RAB35: variants seen among roughly 807,000 people sequenced by gnomAD.
The protein encoded by RAB35 is RAB35, member RAS oncogene family, also known as ras-related protein Rab-35.
In RAB35, 4 loss-of-function variants were observed where a neutral mutation model predicts 28.9. That is an observed-to-expected ratio of 0.14 (90% CI 0.07 to 0.32). RAB35 has a LOEUF of 0.32. Ranked by LOEUF, RAB35 falls within the 10% of genes least tolerant of loss-of-function variation. RAB35 has a pLI of 1.00. For missense variants in RAB35, 128 were observed against 274.0 expected, an observed-to-expected ratio of 0.47 and a Z score of 3.76; for synonymous variants, 99 against 105.1, an observed-to-expected ratio of 0.94 and a Z score of 0.35.
intron 1 of RAB35, among the ~76,000 whole-genome samples, chr12:120,116,390 C>T (rs921188540): frequency 6.6e-6 from 1 of 152,022 alleles, no homozygotes; most frequent in African/African-American, 2.4e-5. Context: ...ATGACTGGAC[C>T]CGGCGCGCTT....
At chr12:120,108,518 G>A (rs369979133) in intron 1 of RAB35, 51 bp from the exon 2 acceptor site, 29 of 1,538,158 alleles carry the variant, frequency 1.9e-5, no homozygotes, top group Middle Eastern at 1.7e-4. Context: ...TCCCCTCCCC[G>A]CAGCCCCAGC....
intron 1 of RAB35, among the ~76,000 whole-genome samples, chr12:120,110,289 C>CCTTTTTTTTTTTTTTTTTTTTTTT (rs1430969524): frequency 8.0e-5 from 2 of 24,968 alleles, no homozygotes; most frequent in African/African-American, 3.8e-4. Flanking sequence ...AAGCCCACAG[C>CCTTTTTTTTTTTTTTTTTTTTTTT]ATTTTTTTTT....
intron 2 of RAB35, among the ~76,000 whole-genome samples, chr12:120,108,210 G>A (rs377551508): frequency 4.6e-5 from 7 of 152,228 alleles, no homozygotes; most frequent in African/African-American, 9.6e-5. Flanking sequence ...AAGGGTTTTC[G>A]TGAGCAGGTG....
At chr12:120,102,200 A>C (rs59676660) in intron 3 of RAB35, among the ~76,000 whole-genome samples, 2,662 of 152,274 alleles carry the variant, frequency 0.017, 76 homozygotes, top group African/African-American at 0.06. Flanking sequence ...CTGTCCATAA[A>C]ATGGAGATAG....
At chr12:120,110,492 C>G (rs555636074) in intron 1 of RAB35, among the ~76,000 whole-genome samples, 1 of 151,950 alleles carries the variant, frequency 6.6e-6, no homozygotes, top group Non-Finnish European at 1.5e-5. Flanking sequence ...TGGCCTCAAG[C>G]AATCTGCCCG....
In RAB35 at chr12:120,096,500, G is replaced by C. The variant is rs755336502; in HGVS notation, c.*745C>G. 10 of 1,289,698 alleles carry C rather than the reference G, an allele frequency of 7.8e-6. No individual in the cohort carries two copies. The South Asian group carries it at 1.2e-4, about 16-fold the overall frequency. 79.9% of individuals were successfully genotyped at this position (1,289,698 alleles called of 1,614,324 possible). On this transcript the variant is annotated 3_prime_UTR_variant, in exon 6 of 6. Transcript: ENST00000229340. Reference sequence around the variant, plus strand: ...CTTTCTGTTGGAACTGAAACCTGTTGGTGTAAATGAGAAGCCATGGCTGCC... The same window carrying C: ...CTTTCTGTTGGAACTGAAACCTGTTCGTGTAAATGAGAAGCCATGGCTGCC...
At chr12:120,105,916 C>CAAAAAAA in intron 2 of RAB35, among the ~76,000 whole-genome samples, 1 of 49,800 alleles carries the variant, frequency 2.0e-5, no homozygotes, top group Non-Finnish European at 4.6e-5. Context: ...GACTCCGTCT[C>CAAAAAAA]AAAAAAAAAA....
Position 120,096,803 on chromosome 12 carries a change from G to A in RAB35, c.*442C>T, listed in dbSNP as rs754178350. ...CCACTGGCACGGGCTGGCCGCAGAC[G>A]CAGCTAGAACGTGCCGCTGTCTCCT... On this transcript the variant is annotated 3_prime_UTR_variant, in exon 6 of 6. Coordinates refer to ENST00000229340, the MANE Select transcript of RAB35 (RefSeq NM_006861.7). 34 of 1,291,456 alleles carry A rather than the reference G, an allele frequency of 2.6e-5. No homozygotes were observed. Among genetic ancestry groups the A allele is most frequent in the South Asian group, 3.7e-5 (3 of 81,056 alleles). The allele number at this position is 1,291,456 out of a possible 1,614,324, so 80.0% of individuals were successfully genotyped here.
chr12:120,107,015 G>A (rs576133625), intron 2 of RAB35, among the ~76,000 whole-genome samples: 71 of 151,970 alleles, frequency 4.7e-4, no homozygotes, highest in African/African-American at 1.7e-3. Context: ...TTGAGATGGA[G>A]TCTCGCTCTG....
intron 1 of RAB35, among the ~76,000 whole-genome samples, chr12:120,113,557 G>A (rs960057738): frequency 4.9e-4 from 75 of 152,218 alleles, no homozygotes; most frequent in African/African-American, 1.5e-3. Context: ...GGTGGCTCAC[G>A]CCTGTAATCC....
In RAB35 at chr12:120,112,881, C is replaced by T. The variant is rs181383474; in HGVS notation, c.52+3718G>A. The stretch of plus-strand genomic sequence containing the variant: ...CTGGGACTATAGATGTGCACCACCA[C>T]GCCCAACTGATTTTTTTTTTTTTTT... On this transcript the variant is annotated intron_variant, in intron 1 of 5. Coordinates refer to ENST00000229340, the MANE Select transcript of RAB35 (RefSeq NM_006861.7). Among the ~76,000 whole-genome samples, 926 of 149,996 alleles carry T rather than the reference C, an allele frequency of 6.2e-3. 3 individuals are homozygous for T. The highest frequency in any genetic ancestry group is 0.017 in the African/African-American group (683 of 39,898).
At chr12:120,105,833 C>T (rs191043608) in intron 2 of RAB35, among the ~76,000 whole-genome samples, 112 of 147,566 alleles carry the variant, frequency 7.6e-4, no homozygotes, top group African/African-American at 2.8e-3. Flanking sequence ...AGGAGAATGG[C>T]GTGAACCCGG....
chr12:120,098,045 G>A (rs915124660), intron 5 of RAB35, among the ~76,000 whole-genome samples: 4 of 151,920 alleles, frequency 2.6e-5, no homozygotes, highest in African/African-American at 4.8e-5. Context: ...CACCACGCCC[G>A]GCTAATTTTT....
chr12:120,109,179 C>T (rs1456825812), intron 1 of RAB35, among the ~76,000 whole-genome samples: 4 of 152,168 alleles, frequency 2.6e-5, no homozygotes, highest in African/African-American at 7.2e-5. Context: ...TCAGGCCAGG[C>T]GCGGTGGCTC....
chr12:120,095,302 GCA>G lies in RAB35; in HGVS notation c.*1941_*1942del, dbSNP rs1875326602. The G allele has an allele frequency of 6.7e-6, 1 of 149,100 alleles. No individual in the cohort carries two copies. The highest frequency in any genetic ancestry group is 1.5e-5 in the Non-Finnish European group (1 of 67,122). The allele number at this position is 149,100 out of a possible 1,614,324, so 9.2% of individuals were successfully genotyped here. A position where few individuals can be genotyped will look rare whatever the true frequency, so the allele number is the denominator to read the frequency against. ...ATTCATGCGTGTAACAGTGGGACAG[GCA>G]CACTGTCATGACCAAAATCACCCCA... On this transcript the variant is annotated 3_prime_UTR_variant, in exon 6 of 6. Coordinates refer to ENST00000229340, the MANE Select transcript of RAB35 (RefSeq NM_006861.7).
intron 2 of RAB35, among the ~76,000 whole-genome samples, chr12:120,105,101 T>C (rs1014709490): frequency 1.3e-5 from 2 of 151,958 alleles, no homozygotes; most frequent in South Asian, 2.1e-4. Flanking sequence ...GGCAAGGGCG[T>C]AGGAAAGGTC....
rs117962276 is a variant in RAB35, at chr12:120,113,417, G to A, written c.52+3182C>T. ...GAGCCTCAATTTACTCATCTGTCAAGTGAAGGGCTAACTCCATCTCCAAAT... is the reference window on the plus strand; with the variant it reads ...GAGCCTCAATTTACTCATCTGTCAAATGAAGGGCTAACTCCATCTCCAAAT... On this transcript the variant is annotated intron_variant, in intron 1 of 5. Coordinates refer to ENST00000229340, the MANE Select transcript of RAB35 (RefSeq NM_006861.7). 3.8e-3 allele frequency among the ~76,000 whole-genome samples: 579 copies of A among 152,226 alleles called. 2 individuals carry two copies. Among genetic ancestry groups the A allele is most frequent in the Non-Finnish European group, 6.3e-3 (431 of 68,002 alleles).
chr12:120,107,866 CAAAAAAAAAAAAAAA>C (rs57274207), intron 2 of RAB35, among the ~76,000 whole-genome samples: 1 of 31,976 alleles, frequency 3.1e-5, no homozygotes, highest in Non-Finnish European at 7.0e-5. Context: ...GACTCCATCT[CAAAAAAAAAAAAAAA>C]AAAAAAAAAA....
intron 5 of RAB35, among the ~76,000 whole-genome samples, chr12:120,097,985 A>G (rs963754520): frequency 2.0e-5 from 3 of 147,522 alleles, no homozygotes; most frequent in Non-Finnish European, 1.5e-5. Context: ...CCTGGTTCAC[A>G]CCATTCTCCT....
Sources: gnomAD v4.1 joint callset for allele counts (sites outside exome capture counted in the v4.1 genomes callset) on GRCh38, gnomAD v4.1.1 for gene constraint, MANE v1.5 for transcripts, NCBI Gene and HGNC (gene_info 2026-07-23, HGNC 2026-07-21) for gene names.